The following SERGEF variants were observed in gnomAD, a reference collection of about 807,000 sequenced individuals.
SERGEF encodes secretion-regulating guanine nucleotide exchange factor.
A neutral mutation model predicts 50.0 loss-of-function variants in SERGEF; 51 were observed. The observed-to-expected ratio is 1.02, with a 90% CI of 0.81 to 1.29. The LOEUF is 1.29. SERGEF is among the 50% of genes most tolerant of loss of function. SERGEF has a pLI of 0.00. For missense variants in SERGEF, 521 were observed against 557.0 expected (o/e 0.94, Z 0.65); for synonymous variants, 205 against 212.4 (o/e 0.97, Z 0.30).
rs560359102 is a variant in SERGEF, at chr11:17,939,507, G to A, written c.1011+19963C>T. ...GCACTGGAACACTCTGAAATGCCAT[G>A]AGTCTTCTCAGCTGGGAAGACTGCT... On this transcript the variant is annotated intron_variant, in intron 9 of 10. Coordinates refer to ENST00000265965, the MANE Select transcript of SERGEF (RefSeq NM_012139.4). 3 of 152,334 alleles carry A rather than the reference G, an allele frequency of 2.0e-5. No homozygotes were observed. The South Asian group carries it at 6.2e-4, about 32-fold the overall frequency. The allele number at this position is 152,334 out of a possible 1,614,324, so 9.4% of individuals were successfully genotyped here. A position where few individuals can be genotyped will look rare whatever the true frequency, so the allele number is the denominator to read the frequency against.
At chr11:17,864,832 G>A (rs1850992252) in intron 10 of SERGEF, among the ~76,000 whole-genome samples, 2 of 152,192 alleles carry the variant, frequency 1.3e-5, no homozygotes, top group African/African-American at 4.8e-5. Flanking sequence ...GCTAGTCCCA[G>A]CTCTGCTACT....
chr11:17,866,189 G>A (rs1326855597), intron 10 of SERGEF, among the ~76,000 whole-genome samples: 1 of 152,208 alleles, frequency 6.6e-6, no homozygotes, highest in Non-Finnish European at 1.5e-5. Flanking sequence ...GCACAAGCTA[G>A]ACTTGAGTGC....
chr11:17,829,900 G>A (rs954918452), intron 10 of SERGEF, among the ~76,000 whole-genome samples: 6 of 152,226 alleles, frequency 3.9e-5, no homozygotes, highest in African/African-American at 1.2e-4. Context: ...TAAACATTGA[G>A]TTCCTGAGAT....
chr11:17,981,409 T>C (rs1216224673), intron 8 of SERGEF, among the ~76,000 whole-genome samples: 1 of 152,228 alleles, frequency 6.6e-6, no homozygotes, highest in African/African-American at 2.4e-5. Context: ...GCTGATGAGT[T>C]AGAGCTCTCT....
At chr11:18,000,933 C>T (rs1412557088) in intron 4 of SERGEF, 4 of 390,190 alleles carry the variant, frequency 1.0e-5, no homozygotes, top group Non-Finnish European at 2.0e-5. Flanking sequence ...CTAGACTATA[C>T]ATAAATGAAT....
At chr11:17,882,918 A>T (rs751997736) in intron 9 of SERGEF, among the ~76,000 whole-genome samples, 3 of 152,218 alleles carry the variant, frequency 2.0e-5, no homozygotes, top group Non-Finnish European at 4.4e-5. Context: ...TACAGGAAAC[A>T]GGACCCCACT....
At chr11:17,936,508 T>C (rs557734540) in intron 9 of SERGEF, among the ~76,000 whole-genome samples, 4 of 152,354 alleles carry the variant, frequency 2.6e-5, no homozygotes, top group Admixed American at 2.6e-4. Context: ...TTCAATGTGT[T>C]TTCATATTCA....
chr11:17,902,341 C>T (rs1461424768), intron 9 of SERGEF, among the ~76,000 whole-genome samples: 1 of 152,178 alleles, frequency 6.6e-6, no homozygotes, highest in Non-Finnish European at 1.5e-5. Flanking sequence ...CAGAAGATCA[C>T]TAAGAGGCTG....
intron 3 of SERGEF, among the ~76,000 whole-genome samples, chr11:18,005,996 T>C (rs1029118811): frequency 2.0e-5 from 3 of 152,230 alleles, no homozygotes; most frequent in Admixed American, 1.3e-4. Context: ...TCATGAACTT[T>C]TGGGACAGGA....
chr11:17,968,182 T>C (rs1314013711), intron 8 of SERGEF, among the ~76,000 whole-genome samples: 1 of 152,238 alleles, frequency 6.6e-6, no homozygotes, highest in Non-Finnish European at 1.5e-5. Context: ...TGGTGTTCAG[T>C]GTTTGTTGAA....
At chr11:17,808,223 C>T (rs190448786) in intron 10 of SERGEF, among the ~76,000 whole-genome samples, 22 of 152,252 alleles carry the variant, frequency 1.4e-4, no homozygotes, top group Non-Finnish European at 2.1e-4. Context: ...GTGCTTGTGT[C>T]GCTACAAAGA....
intron 3 of SERGEF, among the ~76,000 whole-genome samples, chr11:18,006,224 T>A (rs1419424746): frequency 6.6e-6 from 1 of 152,194 alleles, no homozygotes; most frequent in Non-Finnish European, 1.5e-5. Flanking sequence ...AGTGGCGCAA[T>A]CTCAGTTCAC....
chr11:17,903,085 CT>C (rs1851776080), intron 9 of SERGEF, among the ~76,000 whole-genome samples: 2 of 152,228 alleles, frequency 1.3e-5, no homozygotes, highest in Non-Finnish European at 2.9e-5. Flanking sequence ...CATTTAAACT[CT>C]CTAGGTCTCA....
chr11:17,892,799 T>C (rs1056390042), intron 9 of SERGEF, among the ~76,000 whole-genome samples: 2 of 152,168 alleles, frequency 1.3e-5, no homozygotes, highest in Non-Finnish European at 2.9e-5. Flanking sequence ...CAGGAAACCA[T>C]GGAGCATCTC....
chr11:17,848,807 G>A lies in SERGEF; in HGVS notation c.1048+29401C>T, dbSNP rs562469322. 5.3e-5 allele frequency among the ~76,000 whole-genome samples: 8 copies of A among 152,292 alleles called. No homozygotes were observed. The East Asian group carries it at 7.7e-4, about 15-fold the overall frequency. Reference sequence around the variant, plus strand: ...CTAGGATATGAATTAATAAATGAAAGTGAATGGACATCTTCAAGGCTCTTG... The same window carrying A: ...CTAGGATATGAATTAATAAATGAAAATGAATGGACATCTTCAAGGCTCTTG... On this transcript the variant is annotated intron_variant, in intron 10 of 10. Coordinates refer to ENST00000265965, the MANE Select transcript of SERGEF (RefSeq NM_012139.4).
intron 8 of SERGEF, among the ~76,000 whole-genome samples, chr11:17,982,140 C>A (rs1212380886): frequency 6.6e-6 from 1 of 152,130 alleles, no homozygotes; most frequent in Non-Finnish European, 1.5e-5. Context: ...AACTGTCATT[C>A]CTGGTTCAGG....
At chr11:17,949,721 C>T (rs1852738389) in intron 9 of SERGEF, among the ~76,000 whole-genome samples, 1 of 152,052 alleles carries the variant, frequency 6.6e-6, no homozygotes, top group African/African-American at 2.4e-5. Flanking sequence ...GGCCTAAACC[C>T]AAGGGCAGGG....
chr11:17,816,075 C>T (rs1381986999), intron 10 of SERGEF, among the ~76,000 whole-genome samples: 1 of 152,124 alleles, frequency 6.6e-6, no homozygotes, highest in African/African-American at 2.4e-5. Flanking sequence ...GGGAAGACTG[C>T]ACTCTGCTTG....
chr11:17,989,672 A>G (rs993507249), intron 7 of SERGEF, among the ~76,000 whole-genome samples: 1 of 152,220 alleles, frequency 6.6e-6, no homozygotes, highest in Non-Finnish European at 1.5e-5. Context: ...CAACCCTTAT[A>G]ATCTAAGGAT....
Sources: allele counts gnomAD v4.1 joint callset (sites outside exome capture counted in the v4.1 genomes callset), GRCh38; gene constraint gnomAD v4.1.1; transcripts MANE v1.5; gene names NCBI Gene and HGNC (gene_info 2026-07-23, HGNC 2026-07-21).